Variants in MAP2K1 observed in about 807,000 individuals in gnomAD.
MAP2K1 encodes the protein dual specificity mitogen-activated protein kinase kinase 1.
A neutral mutation model predicts 46.3 loss-of-function variants in MAP2K1; 16 were observed. The observed-to-expected ratio is 0.35, with a 90% CI of 0.23 to 0.52. The LOEUF is 0.52. Among genes scored for constraint, MAP2K1 ranks in the 20% least tolerant of loss-of-function variants. The probability of loss-of-function intolerance (pLI) is 0.94; values close to 1 mark genes in which losing one functional copy is unlikely to be tolerated. For missense variants in MAP2K1, 263 were observed against 497.1 expected (o/e 0.53, Z 4.48); for synonymous variants, 183 against 185.6 (o/e 0.99, Z 0.11).
intron 5 of MAP2K1, among the ~76,000 whole-genome samples, chr15:66,478,538 G>A (rs1487316874): frequency 6.8e-6 from 1 of 146,246 alleles, no homozygotes; most frequent in South Asian, 2.1e-4. Flanking sequence ...GTCACTCTTT[G>A]CCCAGGCTGG....
intron 5 of MAP2K1, among the ~76,000 whole-genome samples, chr15:66,445,490 A>G (rs1891846278): frequency 6.6e-6 from 1 of 152,258 alleles, no homozygotes; most frequent in Admixed American, 6.5e-5. Context: ...TGACCATACC[A>G]TCTTAGGCAT....
In MAP2K1 at chr15:66,447,630, G is replaced by A. The variant is rs113119091; in HGVS notation, c.568+2923G>A. 1.9e-3 allele frequency among the ~76,000 whole-genome samples: 283 copies of A among 149,518 alleles called. 5 individuals are homozygous for A. Among genetic ancestry groups the A allele is most frequent in the African/African-American group, 6.7e-3 (271 of 40,528 alleles). The stretch of plus-strand genomic sequence containing the variant: ...TGTTTGAACCTGGGGGGCGGAGGTT[G>A]CAGTAAGCTGAGATCATGCCATTGC... On this transcript the variant is annotated intron_variant, in intron 5 of 10. Coordinates refer to ENST00000307102, the MANE Select transcript of MAP2K1 (RefSeq NM_002755.4).
At chr15:66,419,621 A>AC (rs1457337186) in intron 1 of MAP2K1, among the ~76,000 whole-genome samples, 1 of 151,990 alleles carries the variant, frequency 6.6e-6, no homozygotes, top group Non-Finnish European at 1.5e-5. Flanking sequence ...ACAATATGAC[A>AC]CCCCCTGTCT....
chr15:66,449,549 T>C lies in MAP2K1; in HGVS notation c.568+4842T>C, dbSNP rs563504453. Among the ~76,000 whole-genome samples the C allele has an allele frequency of 3.3e-5, 5 of 152,298 alleles. No individual in the cohort carries two copies. In the East Asian group the frequency reaches 9.6e-4, roughly 29 times the overall value. ...GTTTGTGGTAATAGGTTCACAGGTG[T>C]GAACATTTTTGAAAATGCATGAAAG... On this transcript the variant is annotated intron_variant, in intron 5 of 10. Transcript: ENST00000307102.
At chr15:66,414,200 G>GTTTGCTAGAGCAAT (rs367681783) in intron 1 of MAP2K1, among the ~76,000 whole-genome samples, 1 of 148,944 alleles carries the variant, frequency 6.7e-6, no homozygotes, top group Admixed American at 6.8e-5. Context: ...ACTACCCAGA[G>GTTTGCTAGAGCAAT]TCAGGCAGAC....
intron 5 of MAP2K1, among the ~76,000 whole-genome samples, chr15:66,460,306 T>TG (rs1167899965): frequency 6.6e-6 from 1 of 152,218 alleles, no homozygotes; most frequent in Non-Finnish European, 1.5e-5. Context: ...CAGGTGAGTT[T>TG]GTCTCTTAGC....
In MAP2K1 at chr15:66,484,918, A is replaced by G. The variant is rs905195134; in HGVS notation, c.694-72A>G. 18 of 1,243,704 alleles carry G rather than the reference A, an allele frequency of 1.4e-5. No homozygotes were observed. In the African/African-American group the frequency reaches 2.5e-4, roughly 17 times the overall value. The allele number at this position is 1,243,704 out of a possible 1,614,324, so 77.0% of individuals were successfully genotyped here. On this transcript the variant is annotated intron_variant, in intron 6 of 10. Coordinates refer to ENST00000307102, the MANE Select transcript of MAP2K1 (RefSeq NM_002755.4). The stretch of plus-strand genomic sequence containing the variant: ...ATATGAACTATTGAGAAGGGACAGA[A>G]GAGAAAATGCATTAGCAGACCCAGG...
intron 5 of MAP2K1, among the ~76,000 whole-genome samples, chr15:66,468,365 G>T (rs1039832313): frequency 6.6e-6 from 1 of 151,972 alleles, no homozygotes; most frequent in Non-Finnish European, 1.5e-5. Context: ...CTAAATCTGC[G>T]TATTGAAGGA....
At chr15:66,486,730 A>G (rs1178673849) in intron 7 of MAP2K1, among the ~76,000 whole-genome samples, 2 of 152,166 alleles carry the variant, frequency 1.3e-5, no homozygotes, top group Admixed American at 1.3e-4. Flanking sequence ...TGAGGTCCAC[A>G]TGAGAGAGAG....
At chr15:66,387,691 T>C (rs2093345413) in intron 1 of MAP2K1, among the ~76,000 whole-genome samples, 1 of 152,194 alleles carries the variant, frequency 6.6e-6, no homozygotes, top group South Asian at 2.1e-4. Context: ...CTGTACAGTC[T>C]TCTCCCAAGA....
chr15:66,428,082 G>A (rs895027488), intron 1 of MAP2K1, among the ~76,000 whole-genome samples: 2 of 152,240 alleles, frequency 1.3e-5, no homozygotes, highest in Non-Finnish European at 2.9e-5. Flanking sequence ...TACCCAGATA[G>A]CCTGACTCCC....
At chr15:66,483,026 T>G (rs1156291196) in intron 6 of MAP2K1, among the ~76,000 whole-genome samples, 3 of 152,168 alleles carry the variant, frequency 2.0e-5, no homozygotes, top group Non-Finnish European at 4.4e-5. Flanking sequence ...AAATAAAGAT[T>G]ATTGTTCCCA....
At chr15:66,462,718 CAG>C (rs1345288173) in intron 5 of MAP2K1, among the ~76,000 whole-genome samples, 1 of 152,060 alleles carries the variant, frequency 6.6e-6, no homozygotes. Flanking sequence ...GGACAGCTGT[CAG>C]GGGAGGCTTC....
intron 1 of MAP2K1, among the ~76,000 whole-genome samples, chr15:66,397,326 C>T (rs570280355): frequency 8.3e-4 from 127 of 152,164 alleles, no homozygotes; most frequent in African/African-American, 3.0e-3. Context: ...AATGGTGTGA[C>T]CTCGGTCATA....
intron 5 of MAP2K1, among the ~76,000 whole-genome samples, chr15:66,479,088 C>T (rs1892853112): frequency 6.6e-6 from 1 of 151,510 alleles, no homozygotes; most frequent in South Asian, 2.1e-4. Context: ...TCTCTTGGGC[C>T]TTAGCCTTCT....
At chr15:66,424,791 C>CTTTTTT (rs58738231) in intron 1 of MAP2K1, among the ~76,000 whole-genome samples, 29 of 82,148 alleles carry the variant, frequency 3.5e-4, no homozygotes, top group Middle Eastern at 9.4e-3. Flanking sequence ...CAATCTCAAT[C>CTTTTTT]TTTTTTTTTT....
intron 1 of MAP2K1, among the ~76,000 whole-genome samples, chr15:66,421,508 T>C (rs1372789021): frequency 2.0e-5 from 3 of 151,948 alleles, no homozygotes; most frequent in East Asian, 3.9e-4. Flanking sequence ...ATCCTAATTC[T>C]ATACCATTGT....
Position 66,428,392 on chromosome 15 carries a change from A to G in MAP2K1, c.81-6635A>G, listed in dbSNP as rs1263698137. Reference sequence around the variant, plus strand: ...GTGATTATGGAGGTCTGGTAAGCCTAAAATCTGCAGGGATAAGCCAGCAAG... The same window carrying G: ...GTGATTATGGAGGTCTGGTAAGCCTGAAATCTGCAGGGATAAGCCAGCAAG... On this transcript the variant is annotated intron_variant, in intron 1 of 10. Coordinates refer to ENST00000307102, the MANE Select transcript of MAP2K1 (RefSeq NM_002755.4). Among the ~76,000 whole-genome samples the G allele has an allele frequency of 1.3e-5, 2 of 151,384 alleles. 1 individual carries two copies. Among genetic ancestry groups the G allele is most frequent in the Non-Finnish European group, 2.9e-5 (2 of 67,932 alleles).
In MAP2K1 at chr15:66,476,280, T is replaced by C. The variant is rs79750409; in HGVS notation, c.569-5475T>C. 3.3e-5 allele frequency among the ~76,000 whole-genome samples: 5 copies of C among 152,258 alleles called. No homozygotes were observed. In the East Asian group the frequency reaches 9.7e-4, roughly 29 times the overall value. On this transcript the variant is annotated intron_variant, in intron 5 of 10. Transcript: ENST00000307102. ...CCCTCTCAGCATCACCTTTCAGTTA[T>C]CAAAGGATCAGAAAGAGAACGCAAG...
Sources: allele counts gnomAD v4.1 joint callset (sites outside exome capture counted in the v4.1 genomes callset), GRCh38; gene constraint gnomAD v4.1.1; transcripts MANE v1.5; gene names NCBI Gene and HGNC (gene_info 2026-07-23, HGNC 2026-07-21).